Variants in CLDN16 observed in about 807,000 individuals in gnomAD.
The protein encoded by CLDN16 is claudin-16.
Under a neutral mutation model 24.6 loss-of-function variants are expected in CLDN16, and 13 were observed. The observed-to-expected ratio is 0.53, with a 90% CI of 0.34 to 0.84. CLDN16 has a LOEUF of 0.84. CLDN16 is among the 40% of genes least tolerant of loss of function. CLDN16 has a pLI of 0.01. For missense variants in CLDN16, 298 were observed against 292.7 expected (o/e 1.02, Z -0.13); for synonymous variants, 116 against 106.7 (o/e 1.09, Z -0.54).
chr3:190,337,661 A>G (rs1717341457), intron 1 of CLDN16, among the ~76,000 whole-genome samples: 1 of 152,216 alleles, frequency 6.6e-6, no homozygotes, highest in African/African-American at 2.4e-5. Context: ...GCAAGCTGAT[A>G]AAACTGGACT....
At position 190,391,116 on chromosome 3, in the gene CLDN16, C is replaced by T. The variant is rs60013505; in HGVS notation, c.114+2673C>T. Among the ~76,000 whole-genome samples, 8 of 149,482 alleles carry T rather than the reference C, an allele frequency of 5.4e-5. No individual in the cohort carries two copies. In the East Asian group the frequency reaches 7.8e-4, roughly 15 times the overall value. ...TAATCCATTGTTGGACAAAAGTCAA[C>T]GAAACAAGTGTTTTGTTTTGTTTTG... On this transcript the variant is annotated intron_variant, in intron 1 of 4. Coordinates refer to ENST00000264734, the MANE Select transcript of CLDN16 (RefSeq NM_006580.4).
chr3:190,384,026 C>T (rs1030476849), upstream of CLDN16, among the ~76,000 whole-genome samples: 1 of 152,156 alleles, frequency 6.6e-6, no homozygotes, highest in Non-Finnish European at 1.5e-5. Flanking sequence ...GAAATGTTAA[C>T]TAGCTTGCTC....
chr3:190,336,838 G>T (rs1272236438), intron 1 of CLDN16, among the ~76,000 whole-genome samples: 1 of 152,236 alleles, frequency 6.6e-6, no homozygotes, highest in Non-Finnish European at 1.5e-5. Context: ...GGCAGTCCAA[G>T]TAATAAACTA....
upstream of CLDN16, chr3:190,321,915 G>T: frequency 8.8e-7 from 1 of 1,131,554 alleles, no homozygotes; most frequent in South Asian, 1.3e-5. Context: ...ACAACAGAAT[G>T]AGCCCATAAG....
At chr3:190,296,777 C>G in the CLDN16 span, among the ~76,000 whole-genome samples, 5 of 152,034 alleles carry the variant, frequency 3.3e-5, no homozygotes, top group South Asian at 2.1e-4. Flanking sequence ...GTCTCGATCT[C>G]CTGACCTCGT....
intron 1 of CLDN16, among the ~76,000 whole-genome samples, chr3:190,343,685 G>A (rs544951417): frequency 2.6e-5 from 4 of 152,176 alleles, no homozygotes; most frequent in Non-Finnish European, 5.9e-5. Context: ...ATTATGCTAC[G>A]TGAAGTAAGT....
chr3:190,296,400 A>G, the CLDN16 span, among the ~76,000 whole-genome samples: 3 of 152,168 alleles, frequency 2.0e-5, no homozygotes, highest in Admixed American at 1.3e-4. Context: ...TTCTGGGAGA[A>G]AACTGATGCT....
the CLDN16 span, among the ~76,000 whole-genome samples, chr3:190,313,776 T>C: frequency 2.4e-4 from 36 of 152,346 alleles, no homozygotes; most frequent in Non-Finnish European, 4.3e-4. Flanking sequence ...GTAGTGTTTC[T>C]CAGGATTCCA....
intron 3 of CLDN16, 52 bp from the exon 4 acceptor site, chr3:190,408,262 T>C (rs1719156014): frequency 3.2e-6 from 5 of 1,559,194 alleles, no homozygotes; most frequent in African/African-American, 1.4e-5. Flanking sequence ...ATTTTTGGAT[T>C]TAAATTCAGA....
At chr3:190,297,990 C>T in the CLDN16 span, among the ~76,000 whole-genome samples, 1 of 151,850 alleles carries the variant, frequency 6.6e-6, no homozygotes, top group Admixed American at 6.6e-5. Context: ...AAACTAAACG[C>T]CCTAATTCAG....
At chr3:190,408,736 T>C (rs1719171751) in intron 4 of CLDN16, among the ~76,000 whole-genome samples, 1 of 150,534 alleles carries the variant, frequency 6.6e-6, no homozygotes, top group Admixed American at 6.7e-5. Flanking sequence ...TGTCCAATAT[T>C]CAAATGTATA....
the CLDN16 span, among the ~76,000 whole-genome samples, chr3:190,310,725 G>A: frequency 1.3e-5 from 2 of 152,152 alleles, no homozygotes; most frequent in African/African-American, 4.8e-5. Context: ...TAGATAGAGT[G>A]AGATCAGGAC....
chr3:190,393,027 G>T (rs909626519), intron 1 of CLDN16, among the ~76,000 whole-genome samples: 2 of 152,124 alleles, frequency 1.3e-5, no homozygotes, highest in Admixed American at 6.6e-5. Flanking sequence ...ATAGTGGTCT[G>T]TACTTCAGTG....
chr3:190,344,712 A>C (rs1279133814), intron 1 of CLDN16, among the ~76,000 whole-genome samples: 3 of 151,722 alleles, frequency 2.0e-5, no homozygotes, highest in Non-Finnish European at 2.9e-5. Context: ...AAAAAAAAAA[A>C]CTAAGGATTC....
At chr3:190,365,546 C>T (rs924261207) in intron 1 of CLDN16, among the ~76,000 whole-genome samples, 3 of 147,724 alleles carry the variant, frequency 2.0e-5, no homozygotes, top group East Asian at 4.0e-4. Flanking sequence ...TATGAGCCAT[C>T]TTTTTTCCCA....
At chr3:190,330,044 T>C (rs6765290) in intron 1 of CLDN16, among the ~76,000 whole-genome samples, 89,956 of 147,050 alleles carry the variant, frequency 0.61, 27,710 homozygotes, top group African/African-American at 0.78. Flanking sequence ...CCGTCCCCCC[T>C]CCACCAGCAT....
chr3:190,388,005 C>A, upstream of CLDN16: 2 of 982,316 alleles, frequency 2.0e-6, no homozygotes, highest in South Asian at 1.4e-5. Flanking sequence ...CTGGTGACCA[C>A]CACTAGCCCA....
the CLDN16 span, chr3:190,313,248 T>A: frequency 8.3e-5 from 47 of 565,906 alleles, no homozygotes; most frequent in African/African-American, 8.6e-4. Context: ...GAAAAAGAGA[T>A]CCCTCCACTC....
At chr3:190,402,495 A>G in intron 2 of CLDN16, 56 bp downstream of exon 2, 8 of 1,335,504 alleles carry the variant, frequency 6.0e-6, no homozygotes, top group Non-Finnish European at 8.6e-6. Context: ...CAGAAAACTG[A>G]GTTCAGGTTT....
Sources: allele counts gnomAD v4.1 joint callset (sites outside exome capture counted in the v4.1 genomes callset), GRCh38; gene constraint gnomAD v4.1.1; transcripts MANE v1.5; gene names NCBI Gene and HGNC (gene_info 2026-07-23, HGNC 2026-07-21).